POLR3B: variants seen among roughly 807,000 people sequenced by gnomAD.
POLR3B encodes the protein DNA-directed RNA polymerase III subunit RPC2.
In POLR3B, 96 loss-of-function variants were observed where a neutral mutation model predicts 147.4. That is an observed-to-expected ratio of 0.65 (90% CI 0.55 to 0.77). The LOEUF (loss-of-function observed/expected upper bound fraction) is 0.77. POLR3B is among the 30% of genes least tolerant of loss of function. POLR3B has a pLI of 0.00. For synonymous variants in POLR3B, 461 were observed against 485.9 expected, an observed-to-expected ratio of 0.95 and a Z score of 0.67; for missense variants, 1,036 against 1,413.5, an observed-to-expected ratio of 0.73 and a Z score of 4.28.
chr12:106,357,994 C>T lies in POLR3B; in HGVS notation c.72+43C>T, dbSNP rs1248537244. ...AGGGAGCGTCAGGGACAAGGATGCG[C>T]CCTGAGGGGGCGTTGCCCGGAGTGC... On this transcript the variant is annotated intron_variant, in intron 1 of 27. Coordinates refer to ENST00000228347, the MANE Select transcript of POLR3B (RefSeq NM_018082.6). The T allele has an allele frequency of 3.1e-6, 5 of 1,605,344 alleles. No homozygotes were observed. In the South Asian group the frequency reaches 3.3e-5, roughly 11 times the overall value.
At chr12:106,411,628 A>G (rs1382650420) in intron 12 of POLR3B, among the ~76,000 whole-genome samples, 4 of 152,140 alleles carry the variant, frequency 2.6e-5, no homozygotes, top group African/African-American at 9.7e-5. Flanking sequence ...AGTAAGACAG[A>G]CAAAAGCCCC....
intron 22 of POLR3B, among the ~76,000 whole-genome samples, chr12:106,462,084 C>T (rs1008549270): frequency 1.3e-5 from 2 of 152,192 alleles, no homozygotes; most frequent in African/African-American, 4.8e-5. Flanking sequence ...CTGCCACACA[C>T]ACCAATCCTG....
intron 11 of POLR3B, among the ~76,000 whole-genome samples, chr12:106,407,292 G>A (rs1306272295): frequency 1.3e-5 from 2 of 152,094 alleles, no homozygotes; most frequent in East Asian, 3.9e-4. Flanking sequence ...TGAACTTTGG[G>A]CAAATCTGAA....
At chr12:106,430,202 G>A (rs1209175116) in intron 13 of POLR3B, 71 bp from the exon 14 acceptor site, 1 of 1,149,666 alleles carries the variant, frequency 8.7e-7, no homozygotes, top group African/African-American at 1.5e-5. Flanking sequence ...GAACTTCTTG[G>A]AGTGACCGCA....
intron 23 of POLR3B, among the ~76,000 whole-genome samples, chr12:106,482,195 G>T (rs11113010): frequency 9.9e-4 from 150 of 152,248 alleles, no homozygotes; most frequent in African/African-American, 3.5e-3. Context: ...AGTAGTAAAA[G>T]TCTATTTTTT....
intron 12 of POLR3B, among the ~76,000 whole-genome samples, chr12:106,423,477 G>A (rs866840388): frequency 2.6e-5 from 4 of 152,094 alleles, no homozygotes; most frequent in South Asian, 2.1e-4. Flanking sequence ...AGAAGCTAGC[G>A]GTATAGTTTA....
intron 23 of POLR3B, among the ~76,000 whole-genome samples, chr12:106,486,259 A>C (rs1041678082): frequency 7.2e-6 from 1 of 138,430 alleles, no homozygotes; most frequent in Non-Finnish European, 1.5e-5. Flanking sequence ...ACTGCACTCC[A>C]GCCTGGGGTC....
chr12:106,364,040 A>G (rs573085095), intron 2 of POLR3B, 138 bp downstream of exon 2: 5 of 683,904 alleles, frequency 7.3e-6, no homozygotes, highest in South Asian at 6.9e-5. Context: ...ACAAGGAATT[A>G]TAAGGTAAAA....
chr12:106,439,456 G>A (rs1007762297), intron 18 of POLR3B, among the ~76,000 whole-genome samples: 3 of 151,898 alleles, frequency 2.0e-5, no homozygotes, highest in African/African-American at 7.3e-5. Flanking sequence ...ACCAGCCTGG[G>A]TAACATGGCA....
chr12:106,378,061 C>G (rs988549329), intron 7 of POLR3B, among the ~76,000 whole-genome samples: 2 of 152,136 alleles, frequency 1.3e-5, no homozygotes, highest in Non-Finnish European at 2.9e-5. Flanking sequence ...GCACTCCAGC[C>G]TCGGCGACAA....
chr12:106,480,229 T>G (rs982585044), intron 23 of POLR3B, among the ~76,000 whole-genome samples: 1 of 152,046 alleles, frequency 6.6e-6, no homozygotes, highest in South Asian at 2.1e-4. Flanking sequence ...AGTGTCTGAT[T>G]TGTTGTTGTT....
rs778827957 is a variant in POLR3B at position 106,432,487 on chromosome 12, A to G, written c.1627+7A>G. On this transcript the variant is annotated splice_region_variant and intron_variant, in intron 15 of 27. Transcript: ENST00000228347. ...TTTCTTGTCTTTCTTAATGGTGGGT[A>G]TATTATAGAGACATGTTGGTCCTAG... 1.9e-6 allele frequency: 3 copies of G among 1,607,064 alleles called. No individual in the cohort carries two copies. Among genetic ancestry groups the G allele is most frequent in the Non-Finnish European group, 2.6e-6 (3 of 1,173,816 alleles).
intron 12 of POLR3B, among the ~76,000 whole-genome samples, chr12:106,414,447 A>T (rs1290995384): frequency 6.6e-6 from 1 of 152,090 alleles, no homozygotes; most frequent in Admixed American, 6.6e-5. Flanking sequence ...TTTTTCAGGG[A>T]ATAGTGCTGA....
At chr12:106,393,286 G>A (rs2036936807) in intron 10 of POLR3B, 133 bp downstream of exon 10, 1 of 1,332,146 alleles carries the variant, frequency 7.5e-7, no homozygotes, top group Admixed American at 1.7e-5. Context: ...TATGGGAGGA[G>A]TGAAGTTTCT....
At chr12:106,486,330 A>AGGT (rs1206620502) in intron 23 of POLR3B, among the ~76,000 whole-genome samples, 1 of 137,468 alleles carries the variant, frequency 7.3e-6, no homozygotes, top group Non-Finnish European at 1.6e-5. Context: ...AAGGAGATTG[A>AGGT]GGTTCAGGGG....
chr12:106,449,153 T>C (rs1222812010), intron 19 of POLR3B, among the ~76,000 whole-genome samples: 2 of 152,178 alleles, frequency 1.3e-5, no homozygotes, highest in Non-Finnish European at 2.9e-5. Flanking sequence ...ACGAAATCCG[T>C]TTAAGTTTCA....
intron 10 of POLR3B, among the ~76,000 whole-genome samples, chr12:106,399,299 C>T (rs927726580): frequency 1.3e-5 from 2 of 152,164 alleles, no homozygotes; most frequent in Non-Finnish European, 2.9e-5. Context: ...AAGAAACGAA[C>T]AAAGCCTCCA....
At chr12:106,377,968 G>A (rs959837788) in intron 7 of POLR3B, among the ~76,000 whole-genome samples, 6 of 152,258 alleles carry the variant, frequency 3.9e-5, no homozygotes, top group African/African-American at 1.2e-4. Flanking sequence ...CATGCCTCTA[G>A]TCCTAGCTAC....
At chr12:106,483,681 G>A (rs1280251293) in intron 23 of POLR3B, among the ~76,000 whole-genome samples, 1 of 152,180 alleles carries the variant, frequency 6.6e-6, no homozygotes. Context: ...GGCCTGTGAA[G>A]GGAGGCCCTT....
Sources: gnomAD v4.1 joint callset for allele counts (sites outside exome capture counted in the v4.1 genomes callset) on GRCh38, gnomAD v4.1.1 for gene constraint, MANE v1.5 for transcripts, NCBI Gene and HGNC (gene_info 2026-07-23, HGNC 2026-07-21) for gene names.